C8orf34: variants seen among roughly 807,000 people sequenced by gnomAD.
C8orf34 encodes uncharacterized protein C8orf34.
C8orf34 carries 65 observed loss-of-function variants against 68.3 expected under a neutral mutation model. The ratio of observed to expected loss-of-function variants is 0.95; its 90% CI spans 0.78 to 1.17. The LOEUF (loss-of-function observed/expected upper bound fraction) is 1.17. C8orf34 is among the 50% of genes most tolerant of loss of function. The probability of loss-of-function intolerance (pLI) is 0.00; values close to 1 mark genes in which losing one functional copy is unlikely to be tolerated. For synonymous variants in C8orf34, 244 were observed against 241.2 expected (o/e 1.01, Z -0.11); for missense variants, 664 against 655.4 (o/e 1.01, Z -0.14).
intron 7 of C8orf34, among the ~76,000 whole-genome samples, chr8:68,606,230 G>A (rs1473555941): frequency 6.6e-6 from 1 of 152,028 alleles, no homozygotes; most frequent in African/African-American, 2.4e-5. Flanking sequence ...TAATTAATAA[G>A]TATTTGGTAA....
At chr8:68,419,119 TC>T (rs1398096480) in intron 1 of C8orf34, among the ~76,000 whole-genome samples, 2 of 151,680 alleles carry the variant, frequency 1.3e-5, no homozygotes, top group Non-Finnish European at 2.9e-5. Flanking sequence ...TACAATGAAC[TC>T]AAACAAATTT....
chr8:68,528,872 C>A (rs912246830), intron 6 of C8orf34, among the ~76,000 whole-genome samples: 3 of 152,178 alleles, frequency 2.0e-5, no homozygotes, highest in Non-Finnish European at 4.4e-5. Context: ...AAGCTTCCTC[C>A]AGCAGACTCT....
At chr8:68,450,577 C>A (rs1056369551) in intron 3 of C8orf34, among the ~76,000 whole-genome samples, 6 of 152,060 alleles carry the variant, frequency 3.9e-5, no homozygotes, top group African/African-American at 1.4e-4. Context: ...TTAACAGACA[C>A]GAAAATATTA....
chr8:68,679,126 A>C (rs1214964507), intron 8 of C8orf34, among the ~76,000 whole-genome samples: 1 of 151,964 alleles, frequency 6.6e-6, no homozygotes, highest in Middle Eastern at 3.2e-3. Context: ...TCTCTACTAA[A>C]AATACAAAAA....
intron 4 of C8orf34, among the ~76,000 whole-genome samples, chr8:68,481,637 AC>A (rs1284024251): frequency 2.0e-5 from 3 of 152,200 alleles, no homozygotes; most frequent in Admixed American, 6.5e-5. Flanking sequence ...TGGATATGAG[AC>A]CTGGAGTTAA....
chr8:68,455,464 T>C (rs1390618795), intron 3 of C8orf34, among the ~76,000 whole-genome samples: 1 of 152,196 alleles, frequency 6.6e-6, no homozygotes, highest in Admixed American at 6.5e-5. Flanking sequence ...CTTGATAGAT[T>C]ATCCTTTTTA....
intron 8 of C8orf34, among the ~76,000 whole-genome samples, chr8:68,680,808 CA>C (rs1447282429): frequency 6.6e-6 from 1 of 151,988 alleles, no homozygotes; most frequent in African/African-American, 2.4e-5. Context: ...CCAGTCTGAC[CA>C]CAAATTTACC....
chr8:68,517,949 CT>C (rs1233670658), intron 5 of C8orf34, among the ~76,000 whole-genome samples: 3 of 152,200 alleles, frequency 2.0e-5, no homozygotes, highest in African/African-American at 7.2e-5. Flanking sequence ...AAAATCTGCA[CT>C]GTCAATTCCC....
At chr8:68,771,652 TA>T (rs1823340188) in intron 10 of C8orf34, among the ~76,000 whole-genome samples, 1 of 152,182 alleles carries the variant, frequency 6.6e-6, no homozygotes, top group Non-Finnish European at 1.5e-5. Flanking sequence ...ATTTCAGGAC[TA>T]AACAAAAAAA....
At chr8:68,801,496 C>T (rs1387772501) in intron 12 of C8orf34, among the ~76,000 whole-genome samples, 1 of 152,168 alleles carries the variant, frequency 6.6e-6, no homozygotes, top group Non-Finnish European at 1.5e-5. Flanking sequence ...GCTATCTCTA[C>T]CCTCTGATAA....
chr8:68,350,127 C>T (rs769291618), intron 1 of C8orf34, among the ~76,000 whole-genome samples: 3 of 151,962 alleles, frequency 2.0e-5, no homozygotes, highest in Non-Finnish European at 2.9e-5. Flanking sequence ...GCTCTTAATA[C>T]TGCCTTAGCT....
At chr8:68,694,593 ATT>A (rs1355243806) in intron 8 of C8orf34, among the ~76,000 whole-genome samples, 1 of 152,088 alleles carries the variant, frequency 6.6e-6, no homozygotes, top group Non-Finnish European at 1.5e-5. Flanking sequence ...GAAAATGTTG[ATT>A]TAAATACTTT....
intron 5 of C8orf34, among the ~76,000 whole-genome samples, chr8:68,513,498 C>A (rs1814368883): frequency 6.6e-6 from 1 of 152,152 alleles, no homozygotes. Flanking sequence ...CTTGATTTCA[C>A]AATCAAAACT....
rs1438740566 is a variant in C8orf34 at position 68,746,611 on chromosome 8, C to T, written c.1404+25174C>T. On this transcript the variant is annotated intron_variant, in intron 10 of 13. Transcript: ENST00000518698. ...TCAGAGAATACTACAAACACCTCTACGCAAATAAACTAGAAAATCTAGAAG... is the reference window on the plus strand; with the variant it reads ...TCAGAGAATACTACAAACACCTCTATGCAAATAAACTAGAAAATCTAGAAG... Among the ~76,000 whole-genome samples the T allele has an allele frequency of 2.6e-3, 391 of 147,732 alleles. 5 individuals carry two copies. The highest frequency in any genetic ancestry group is 9.0e-3 in the African/African-American group (356 of 39,744).
chr8:68,700,768 A>G (rs1820992611), intron 8 of C8orf34, among the ~76,000 whole-genome samples: 1 of 152,094 alleles, frequency 6.6e-6, no homozygotes, highest in East Asian at 1.9e-4. Flanking sequence ...TGTTGGTGAC[A>G]GTTTTGACTT....
chr8:68,815,920 T>C lies in C8orf34; in HGVS notation c.1584T>C (p.Ser528=). ...SADLLLCVPC[S]SCPTLVYSGL is the part of the protein sequence containing the mutation. ...ATCTTCTTCTTTGCGTTCCATGCTC[T>C]TCTTGTCCTACGCTGGTCTACTCTG... Residue 528 remains serine (S), a synonymous_variant, in exon 13 of 14, where the codon TCT becomes TCC. Transcript: ENST00000518698. 6.2e-7 allele frequency: 1 copy of C among 1,613,896 alleles called. No homozygotes were observed. The highest frequency in any genetic ancestry group is 8.5e-7 in the Non-Finnish European group (1 of 1,179,808).
intron 7 of C8orf34, among the ~76,000 whole-genome samples, chr8:68,556,068 T>C (rs1816240799): frequency 6.6e-6 from 1 of 151,980 alleles, no homozygotes; most frequent in Non-Finnish European, 1.5e-5. Context: ...TTTAATCAAA[T>C]CCACATACTA....
At chr8:68,720,347 G>T (rs191736111) in intron 9 of C8orf34, among the ~76,000 whole-genome samples, 1 of 151,906 alleles carries the variant, frequency 6.6e-6, no homozygotes, top group Non-Finnish European at 1.5e-5. Context: ...CAAAAGCTAT[G>T]ATTTATTATG....
intron 7 of C8orf34, among the ~76,000 whole-genome samples, chr8:68,616,084 G>A (rs1047344565): frequency 1.7e-4 from 25 of 151,420 alleles, no homozygotes; most frequent in African/African-American, 4.9e-4. Context: ...GTGTAGAGGT[G>A]TTTGTAGTAT....
Sources: gnomAD v4.1 joint callset for allele counts (sites outside exome capture counted in the v4.1 genomes callset) on GRCh38, gnomAD v4.1.1 for gene constraint, MANE v1.5 for transcripts, NCBI Gene and HGNC (gene_info 2026-07-23, HGNC 2026-07-21) for gene names.